ATP2C2: variants seen among roughly 807,000 people sequenced by gnomAD.
The protein encoded by ATP2C2 is ATPase secretory pathway Ca2+ transporting 2.
ATP2C2 carries 171 observed loss-of-function variants against 110.8 expected under a neutral mutation model. The observed-to-expected ratio is 1.54, with a 90% CI of 1.36 to 1.75. The LOEUF (loss-of-function observed/expected upper bound fraction) is 1.75, where lower values mean the gene tolerates loss of function less well. ATP2C2 is among the 40% of genes most tolerant of loss of function. The pLI is 0.00. For synonymous variants in ATP2C2, 804 were observed against 508.4 expected (o/e 1.58, Z -7.82); for missense variants, 1,963 against 1,235.0 (o/e 1.59, Z -8.84).
intron 6 of ATP2C2, 59 bp downstream of exon 6, chr16:84,410,824 G>A (rs2150526594): frequency 1.3e-6 from 2 of 1,526,788 alleles, no homozygotes; most frequent in Non-Finnish European, 9.1e-7. Flanking sequence ...GAGCTGGAGA[G>A]TTTGGCAAAT....
intron 1 of ATP2C2, among the ~76,000 whole-genome samples, chr16:84,394,457 G>C (rs895380629): frequency 6.6e-6 from 1 of 152,092 alleles, no homozygotes; most frequent in Non-Finnish European, 1.5e-5. Context: ...GTGGCCTTTT[G>C]TGTCTGGCTT....
At chr16:84,461,688 C>G (rs368012693) in intron 24 of ATP2C2, 26 bp from the exon 25 acceptor site, 7 of 1,602,652 alleles carry the variant, frequency 4.4e-6, no homozygotes, top group African/African-American at 1.3e-5. Context: ...CCCGCCTAAC[C>G]TCTCACCTTT....
Position 84,463,722 on chromosome 16 carries a change from A to T in ATP2C2, c.2831A>T (p.Glu944Val), listed in dbSNP as rs1361165620. ...CCCAAGAGAGTCCAGATGCACCCTG[A>T]AGATGTGTAGTGGACCGCACTCCGC... ...CSPKRVQMHP[E>V]DV The change falls in exon 27 of 27, where the codon GAA becomes GTA. Residue 944 changes from glutamate to valine, a missense_variant. Transcript: ENST00000262429. 1.2e-6 allele frequency: 2 copies of T among 1,612,772 alleles called. No individual in the cohort carries two copies. The highest frequency in any genetic ancestry group is 2.7e-5 in the African/African-American group (2 of 74,686).
At chr16:84,426,885 C>G (rs1907857839) in intron 11 of ATP2C2, among the ~76,000 whole-genome samples, 1 of 152,282 alleles carries the variant, frequency 6.6e-6, no homozygotes, top group South Asian at 2.1e-4. Flanking sequence ...TAAGTCATCC[C>G]AAGCCCCTGG....
intron 11 of ATP2C2, among the ~76,000 whole-genome samples, chr16:84,427,765 A>G (rs909526035): frequency 6.6e-6 from 1 of 152,074 alleles, no homozygotes; most frequent in African/African-American, 2.4e-5. Context: ...AACAGAAAGT[A>G]GGTTAGTGTT....
chr16:84,412,342 G>A (rs528384022), intron 6 of ATP2C2, among the ~76,000 whole-genome samples: 9 of 113,108 alleles, frequency 8.0e-5, no homozygotes, highest in South Asian at 7.5e-4. Context: ...GTCTGTATGC[G>A]TGTGTCTGCG....
At chr16:84,370,067 G>T (rs896384101) in intron 1 of ATP2C2, among the ~76,000 whole-genome samples, 2 of 152,138 alleles carry the variant, frequency 1.3e-5, no homozygotes, top group East Asian at 3.8e-4. Flanking sequence ...CTTGCATCAG[G>T]CCAGGTATTT....
intron 1 of ATP2C2, among the ~76,000 whole-genome samples, chr16:84,373,119 CAAA>C (rs34143321): frequency 9.6e-6 from 1 of 103,920 alleles, no homozygotes. Flanking sequence ...GACTCCCTCT[CAAA>C]AAAAAAAAAA....
chr16:84,400,417 C>G (rs1159267347), intron 2 of ATP2C2, among the ~76,000 whole-genome samples: 1 of 151,588 alleles, frequency 6.6e-6, no homozygotes, highest in Non-Finnish European at 1.5e-5. Context: ...AGCTCCGCCT[C>G]CTGGGTTCAC....
intron 21 of ATP2C2, 72 bp downstream of exon 21, chr16:84,455,056 T>G: frequency 4.1e-5 from 46 of 1,114,278 alleles, no homozygotes; most frequent in East Asian, 8.2e-5. Context: ...TGGAACCTGC[T>G]ACTGTGGAGA....
chr16:84,377,795 T>A (rs1412281977), intron 1 of ATP2C2, among the ~76,000 whole-genome samples: 1 of 152,024 alleles, frequency 6.6e-6, no homozygotes, highest in African/African-American at 2.4e-5. Flanking sequence ...TGAAAGGTAT[T>A]TTTTTCTTTG....
chr16:84,374,672 TG>T (rs1245484417), intron 1 of ATP2C2, among the ~76,000 whole-genome samples: 1 of 152,100 alleles, frequency 6.6e-6, no homozygotes, highest in African/African-American at 2.4e-5. Context: ...TGGGAGCTGA[TG>T]GGGGGTCCTT....
chr16:84,427,058 G>C (rs1817249609), intron 11 of ATP2C2, among the ~76,000 whole-genome samples: 1 of 152,204 alleles, frequency 6.6e-6, no homozygotes, highest in South Asian at 2.1e-4. Context: ...CCTAGGGGCT[G>C]TGCCAGGACA....
chr16:84,416,034 C>A (rs1311913148), intron 7 of ATP2C2, among the ~76,000 whole-genome samples: 3 of 152,178 alleles, frequency 2.0e-5, no homozygotes, highest in Non-Finnish European at 4.4e-5. Context: ...ATTAGCTAGG[C>A]ATGGTGGCAT....
At chr16:84,371,783 G>A (rs959144068) in intron 1 of ATP2C2, among the ~76,000 whole-genome samples, 2 of 152,206 alleles carry the variant, frequency 1.3e-5, no homozygotes. Context: ...GATCCCAACA[G>A]ACGAATGTAG....
chr16:84,400,472 G>A (rs866518541), intron 2 of ATP2C2, among the ~76,000 whole-genome samples: 4 of 151,898 alleles, frequency 2.6e-5, no homozygotes, highest in East Asian at 1.9e-4. Context: ...GACTACAGGC[G>A]CCTGCCACCA....
chr16:84,373,535 A>C (rs897002796), intron 1 of ATP2C2, among the ~76,000 whole-genome samples: 4 of 152,198 alleles, frequency 2.6e-5, no homozygotes, highest in African/African-American at 9.7e-5. Flanking sequence ...CTGGAAACCA[A>C]AGCCTTTTTT....
chr16:84,463,584 C>T lies in ATP2C2; in HGVS notation c.2723-30C>T, dbSNP rs762662809. On this transcript the variant is annotated intron_variant, in intron 26 of 26. Transcript: ENST00000262429. ...CGGCGCAACAGAGCTGCAGCCCGTCCTGAATCTTTTCTGTTTTCTCCCTTG... is the reference window on the plus strand; with the variant it reads ...CGGCGCAACAGAGCTGCAGCCCGTCTTGAATCTTTTCTGTTTTCTCCCTTG... 1.3e-5 allele frequency: 20 copies of T among 1,585,932 alleles called. No homozygotes were observed. In the South Asian group the frequency reaches 2.2e-4, roughly 18 times the overall value.
At chr16:84,373,782 G>A (rs1910097739) in intron 1 of ATP2C2, among the ~76,000 whole-genome samples, 1 of 152,140 alleles carries the variant, frequency 6.6e-6, no homozygotes, top group Non-Finnish European at 1.5e-5. Flanking sequence ...CATGTCATCT[G>A]CTCACTACTT....
Sources: gnomAD v4.1 joint callset for allele counts (sites outside exome capture counted in the v4.1 genomes callset) on GRCh38, gnomAD v4.1.1 for gene constraint, MANE v1.5 for transcripts, NCBI Gene and HGNC (gene_info 2026-07-23, HGNC 2026-07-21) for gene names.